The following GRID2 variants were observed in gnomAD, a reference collection of about 807,000 sequenced individuals.
GRID2 encodes the protein glutamate ionotropic receptor delta type subunit 2, also known as glutamate receptor ionotropic, delta-2.
In GRID2, 33 loss-of-function variants were observed where a neutral mutation model predicts 114.8. The ratio of observed to expected loss-of-function variants is 0.29; its 90% CI spans 0.22 to 0.38. The LOEUF is 0.38. GRID2 is among the 10% of genes least tolerant of loss of function. GRID2 has a pLI of 1.00. For synonymous variants in GRID2, 505 were observed against 449.9 expected, an observed-to-expected ratio of 1.12 and a Z score of -1.55; for missense variants, 1,184 against 1,257.7, an observed-to-expected ratio of 0.94 and a Z score of 0.89.
intron 4 of GRID2, among the ~76,000 whole-genome samples, chr4:93,119,535 T>C (rs902683699): frequency 2.0e-5 from 3 of 152,272 alleles, no homozygotes; most frequent in South Asian, 2.1e-4. Context: ...TTGTCTCCAA[T>C]TTACATTTTT....
At chr4:93,562,656 T>C (rs1436824142) in intron 13 of GRID2, among the ~76,000 whole-genome samples, 1 of 152,104 alleles carries the variant, frequency 6.6e-6, no homozygotes. Flanking sequence ...CTAGGACTTT[T>C]ATAGTGTGTG....
intron 2 of GRID2, among the ~76,000 whole-genome samples, chr4:92,810,196 A>G (rs932979851): frequency 7.9e-5 from 12 of 151,902 alleles, no homozygotes; most frequent in African/African-American, 2.9e-4. Context: ...TTGAAAATTC[A>G]TTCAGTTACA....
chr4:93,461,923 C>T (rs1037925195), intron 11 of GRID2, among the ~76,000 whole-genome samples: 1 of 152,098 alleles, frequency 6.6e-6, no homozygotes, highest in African/African-American at 2.4e-5. Flanking sequence ...ATCATCTGGT[C>T]TCCAGAGGAC....
chr4:92,681,572 A>G (rs911683033), intron 2 of GRID2, among the ~76,000 whole-genome samples: 25 of 152,222 alleles, frequency 1.6e-4, no homozygotes, highest in Middle Eastern at 6.8e-3. Context: ...GATAGCATTA[A>G]GAGATATACC....
At chr4:93,729,241 G>A (rs1730253263) in intron 14 of GRID2, among the ~76,000 whole-genome samples, 1 of 151,824 alleles carries the variant, frequency 6.6e-6, no homozygotes, top group South Asian at 2.1e-4. Flanking sequence ...AAAGAAGAGT[G>A]CATTTAGTCA....
intron 2 of GRID2, among the ~76,000 whole-genome samples, chr4:92,860,996 TTATAAA>T (rs1460946873): frequency 6.6e-6 from 1 of 152,050 alleles, no homozygotes; most frequent in African/African-American, 2.4e-5. Flanking sequence ...TTAAATAAAG[TTATAAA>T]TATATGACAG....
At chr4:93,753,612 C>T (rs149793645) in intron 14 of GRID2, among the ~76,000 whole-genome samples, 21 of 152,050 alleles carry the variant, frequency 1.4e-4, no homozygotes, top group Admixed American at 2.6e-4. Flanking sequence ...TCTGTCCTTG[C>T]GATAGTTTGC....
At chr4:93,443,753 A>T (rs1224715327) in intron 10 of GRID2, among the ~76,000 whole-genome samples, 1 of 151,946 alleles carries the variant, frequency 6.6e-6, no homozygotes, top group Non-Finnish European at 1.5e-5. Flanking sequence ...ATGGAAAAAA[A>T]ACCTTTAAGT....
chr4:93,174,554 T>G (rs1183935636), intron 4 of GRID2, among the ~76,000 whole-genome samples: 1 of 152,096 alleles, frequency 6.6e-6, no homozygotes, highest in Non-Finnish European at 1.5e-5. Flanking sequence ...TATCTGGAGA[T>G]AGGGTCTTTC....
chr4:93,657,340 T>A (rs1450586280), intron 14 of GRID2, among the ~76,000 whole-genome samples: 1 of 152,142 alleles, frequency 6.6e-6, no homozygotes, highest in Non-Finnish European at 1.5e-5. Context: ...CTGTACATAT[T>A]TTAACAAATA....
At chr4:92,675,965 C>G (rs536307301) in intron 2 of GRID2, among the ~76,000 whole-genome samples, 2 of 151,986 alleles carry the variant, frequency 1.3e-5, no homozygotes, top group Non-Finnish European at 2.9e-5. Context: ...TACAGCCCTA[C>G]GCTATATGTT....
At chr4:92,774,635 T>G (rs1346670943) in intron 2 of GRID2, among the ~76,000 whole-genome samples, 1 of 145,878 alleles carries the variant, frequency 6.9e-6, no homozygotes, top group Non-Finnish European at 1.5e-5. Flanking sequence ...CAGGCTGAAG[T>G]GCAGTGCAGT....
chr4:93,016,480 G>A (rs1022882051), intron 2 of GRID2, among the ~76,000 whole-genome samples: 1 of 152,054 alleles, frequency 6.6e-6, no homozygotes, highest in African/African-American at 2.4e-5. Flanking sequence ...GGCTGTTCTG[G>A]GCCATGAATT....
intron 2 of GRID2, among the ~76,000 whole-genome samples, chr4:92,723,581 T>A (rs1735915318): frequency 6.6e-6 from 1 of 152,194 alleles, no homozygotes; most frequent in African/African-American, 2.4e-5. Flanking sequence ...ATCTAATCAA[T>A]CTGTACTTTG....
chr4:92,639,970 T>G (rs772374168), intron 2 of GRID2, among the ~76,000 whole-genome samples: 16 of 151,798 alleles, frequency 1.1e-4, no homozygotes, highest in Non-Finnish European at 1.6e-4. Context: ...TTGAATCTTA[T>G]GATTTCTAAC....
intron 1 of GRID2, among the ~76,000 whole-genome samples, chr4:92,374,030 GC>G (rs544239163): frequency 6.6e-6 from 1 of 151,600 alleles, no homozygotes; most frequent in African/African-American, 2.4e-5. Context: ...AAAATTCAAA[GC>G]CCCCCCGCCC....
At chr4:93,061,328 T>C (rs967530973) in intron 2 of GRID2, among the ~76,000 whole-genome samples, 3 of 151,758 alleles carry the variant, frequency 2.0e-5, no homozygotes, top group Non-Finnish European at 4.4e-5. Context: ...CAGATGGGCT[T>C]CACATGTCTC....
intron 1 of GRID2, among the ~76,000 whole-genome samples, chr4:92,351,953 C>T (rs1728087387): frequency 6.6e-6 from 1 of 151,810 alleles, no homozygotes; most frequent in Non-Finnish European, 1.5e-5. Context: ...GTAAACAGTG[C>T]TACAATAAAT....
chr4:93,238,506 C>G lies in GRID2; in HGVS notation c.1245+16C>G, dbSNP rs1490854573. The stretch of plus-strand genomic sequence containing the variant: ...TGTTCGAAAAGTAAGACAAGACACA[C>G]TGATTAATACGCTTTTTCCTATACT... On this transcript the variant is annotated intron_variant, in intron 8 of 15. Transcript: ENST00000282020. 2 of 1,602,408 alleles carry G rather than the reference C, an allele frequency of 1.2e-6. No homozygotes were observed. The highest frequency in any genetic ancestry group is 3.4e-5 in the Admixed American group (2 of 59,590).
Sources: gnomAD v4.1 joint callset for allele counts (sites outside exome capture counted in the v4.1 genomes callset) on GRCh38, gnomAD v4.1.1 for gene constraint, MANE v1.5 for transcripts, NCBI Gene and HGNC (gene_info 2026-07-23, HGNC 2026-07-21) for gene names.